CACNA2D4: variants seen among roughly 807,000 people sequenced by gnomAD.
The protein encoded by CACNA2D4 is calcium voltage-gated channel auxiliary subunit alpha2delta 4.
In CACNA2D4, 157 loss-of-function variants were observed where a neutral mutation model predicts 163.8. That is an observed-to-expected ratio of 0.96 (90% CI 0.84 to 1.09). The LOEUF is 1.09. Among genes scored for constraint, CACNA2D4 ranks in the 50% least tolerant of loss-of-function variants. CACNA2D4 has a pLI of 0.00. For synonymous variants in CACNA2D4, 598 were observed against 586.9 expected, an observed-to-expected ratio of 1.02 and a Z score of -0.27; for missense variants, 1,410 against 1,479.9, an observed-to-expected ratio of 0.95 and a Z score of 0.78.
rs555919149 is a variant in CACNA2D4 at position 1,823,023 on chromosome 12, C to A, written c.2552-11300G>T. On this transcript the variant is annotated intron_variant, in intron 26 of 37. Transcript: ENST00000382722. ...CTGGCCTTCTGCAGAGTGAAGGGGG[C>A]GGCAGAGTAGGCTGCAAATGCCCCC... Among the ~76,000 whole-genome samples the A allele has an allele frequency of 5.3e-5, 8 of 152,268 alleles. No homozygotes were observed. The East Asian group carries it at 1.4e-3, about 26-fold the overall frequency.
chr12:1,878,535 GC>G lies in CACNA2D4; in HGVS notation c.1645-147del. The G allele has an allele frequency of 7.0e-7, 1 of 1,435,008 alleles. No individual in the cohort carries two copies. The highest frequency in any genetic ancestry group is 1.2e-5 in the South Asian group (1 of 81,082). The allele number at this position is 1,435,008 out of a possible 1,614,324, so 88.9% of individuals were successfully genotyped here. On this transcript the variant is annotated intron_variant, in intron 15 of 37. Transcript: ENST00000382722. This position sits in a 1 kb window ranked among gnomAD's most constrained non-coding sequence, Gnocchi z 4.6. ...TCAATAGGAACGTAACTGAGCCAGTGCCATGCTTCCATCATTGATTGAGGAG... is the reference window on the plus strand; with the variant it reads ...TCAATAGGAACGTAACTGAGCCAGTGCATGCTTCCATCATTGATTGAGGAG...
At chr12:1,860,070 A>G in intron 19 of CACNA2D4, 75 bp downstream of exon 19, 1 of 1,247,984 alleles carries the variant, frequency 8.0e-7, no homozygotes, top group Admixed American at 1.8e-5. Context: ...TTACCACAAA[A>G]TTGCCAACTA....
intron 26 of CACNA2D4, among the ~76,000 whole-genome samples, chr12:1,823,044 C>T (rs181969618): frequency 7.6e-4 from 116 of 152,302 alleles, no homozygotes; most frequent in African/African-American, 2.7e-3. Flanking sequence ...GCTGCAAATG[C>T]CCCCTTTACC....
chr12:1,801,431 C>A, intron 30 of CACNA2D4, 143 bp downstream of exon 30: 1 of 732,460 alleles, frequency 1.4e-6, no homozygotes, highest in Non-Finnish European at 2.4e-6. Context: ...CGCCCTGGCT[C>A]CATAAAGGTT....
chr12:1,821,437 G>C (rs1322901278), intron 26 of CACNA2D4, among the ~76,000 whole-genome samples: 2 of 152,224 alleles, frequency 1.3e-5, no homozygotes, highest in Non-Finnish European at 1.5e-5. Flanking sequence ...AGCCTCCCTG[G>C]TGAGGGTGAG....
chr12:1,863,049 G>A (rs1415778457), intron 18 of CACNA2D4, among the ~76,000 whole-genome samples: 2 of 152,114 alleles, frequency 1.3e-5, no homozygotes, highest in Non-Finnish European at 2.9e-5. Context: ...TCTTGTAAAA[G>A]CTTTACAGTT....
chr12:1,879,226 C>T (rs144019842), intron 14 of CACNA2D4, among the ~76,000 whole-genome samples, 190 bp from the exon 15 acceptor site: 148 of 152,266 alleles, frequency 9.7e-4, no homozygotes, highest in African/African-American at 3.5e-3. Flanking sequence ...GGAGCAAAAC[C>T]AGCTGCTAGG....
At chr12:1,797,565 C>T (rs1213028167) in intron 34 of CACNA2D4, 30 bp from the exon 35 acceptor site, 2 of 1,513,764 alleles carry the variant, frequency 1.3e-6, no homozygotes, top group Admixed American at 2.0e-5. Context: ...ATCACGCCAC[C>T]GAAGGGGCCT....
At position 1,844,466 on chromosome 12, in the gene CACNA2D4, G is replaced by T. The variant is rs71454844; in HGVS notation, c.2406C>A (p.Tyr802Ter). 1,368 of 1,613,336 alleles carry T rather than the reference G, an allele frequency of 8.5e-4. No individual in the cohort carries two copies. Among genetic ancestry groups the T allele is most frequent in the Non-Finnish European group, 1.1e-3 (1,289 of 1,179,720 alleles). ...VFTLDRFPLW[Y>*]RQASEHPAGS... The stretch of plus-strand genomic sequence containing the variant: ...CAGCAGGATGCTCTGAGGCCTGGCG[G>T]TACCACAGCGGGAAGCGGTCCAGGG... The change falls in exon 25 of 38, where the codon TAC (tyrosine) becomes TAA (stop). Residue 802 changes from tyrosine to a stop codon, truncating the protein, a stop_gained. Coordinates refer to ENST00000382722, the MANE Select transcript of CACNA2D4 (RefSeq NM_172364.5). LOFTEE classifies it high-confidence loss of function. This position sits in a 1 kb window ranked among gnomAD's most constrained non-coding sequence, Gnocchi z 4.2.
rs1592734657 is a variant in CACNA2D4 at position 1,886,302 on chromosome 12, A to C, written c.914T>G (p.Leu305Arg). The C allele has an allele frequency of 3.7e-6, 6 of 1,613,680 alleles. No individual in the cohort carries two copies. The highest frequency in any genetic ancestry group is 4.2e-6 in the Non-Finnish European group (5 of 1,179,688). The part of the protein sequence containing the change: ...LVDVSGSMKG[L>R]RMTIAKHTIT... ...GGTGTGCTTGGCAATAGTCATCCTC[A>C]GCCCCTTCATACTGCCGCTCACGTC... Residue 305 changes from leucine (L) to arginine (R), a missense_variant, in exon 8 of 38, where the codon CTG (leucine) becomes CGG (arginine). Coordinates refer to ENST00000382722, the MANE Select transcript of CACNA2D4 (RefSeq NM_172364.5).
At chr12:1,915,288 A>G (rs1866942835) in intron 1 of CACNA2D4, 2 of 702,386 alleles carry the variant, frequency 2.8e-6, no homozygotes, top group South Asian at 3.0e-5. Context: ...TGTGTGCTGA[A>G]TGTCCTCGGC....
intron 18 of CACNA2D4, among the ~76,000 whole-genome samples, chr12:1,865,438 T>C (rs1860051): frequency 0.72 from 109,842 of 152,180 alleles, 40,134 homozygotes; most frequent in East Asian, 0.86. Context: ...TCTGTCTTCC[T>C]CCAAAGCACA....
intron 22 of CACNA2D4, among the ~76,000 whole-genome samples, chr12:1,854,409 G>C (rs114484398): frequency 6.6e-6 from 1 of 151,816 alleles, no homozygotes; most frequent in Admixed American, 6.6e-5. Flanking sequence ...TGAATTTTTT[G>C]TTGTTGTTGT....
chr12:1,879,077 C>T (rs1296313362), intron 14 of CACNA2D4, 41 bp from the exon 15 acceptor site: 3 of 1,557,746 alleles, frequency 1.9e-6, no homozygotes, highest in East Asian at 4.5e-5. Context: ...ACCCAGCTTC[C>T]CTGTGTACAA....
chr12:1,819,853 C>T (rs1373862287), intron 26 of CACNA2D4, among the ~76,000 whole-genome samples: 1 of 152,202 alleles, frequency 6.6e-6, no homozygotes, highest in Non-Finnish European at 1.5e-5. Context: ...GCAGGCTGCC[C>T]TGTGCCCAAA....
intron 26 of CACNA2D4, among the ~76,000 whole-genome samples, chr12:1,826,620 G>C (rs1055166166): frequency 2.0e-5 from 3 of 152,214 alleles, no homozygotes; most frequent in Non-Finnish European, 2.9e-5. Flanking sequence ...GGGGCCTTCG[G>C]CAGACTGGCA....
At position 1,903,423 on chromosome 12, in the gene CACNA2D4, T is replaced by C. The variant is rs151188225; in HGVS notation, c.781+4017A>G. On this transcript the variant is annotated intron_variant, in intron 6 of 37. Coordinates refer to ENST00000382722, the MANE Select transcript of CACNA2D4 (RefSeq NM_172364.5). ...CAAAAGAAACAATCAACAAAGTAAATAGACAATGCACAGAATGGGAGAAAA... is the reference window on the plus strand; with the variant it reads ...CAAAAGAAACAATCAACAAAGTAAACAGACAATGCACAGAATGGGAGAAAA... Among the ~76,000 whole-genome samples, 628 of 151,496 alleles carry C rather than the reference T, an allele frequency of 4.1e-3. 2 individuals carry two copies. Among genetic ancestry groups the C allele is most frequent in the Middle Eastern group, 0.017 (5 of 294 alleles).
chr12:1,884,693 A>T, intron 11 of CACNA2D4, 75 bp downstream of exon 11: 1 of 945,462 alleles, frequency 1.1e-6, no homozygotes. Flanking sequence ...CCATCCTTCT[A>T]GGGTCCCTGC....
chr12:1,877,709 A>G (rs1376591076), intron 16 of CACNA2D4, among the ~76,000 whole-genome samples: 1 of 152,172 alleles, frequency 6.6e-6, no homozygotes, highest in African/African-American at 2.4e-5. Flanking sequence ...CTAGGACTTT[A>G]GCTCCCGCCG....
Sources: gnomAD v4.1 joint callset for allele counts (sites outside exome capture counted in the v4.1 genomes callset) on GRCh38, gnomAD v4.1.1 for gene constraint, Gnocchi (gnomAD v3.1) non-coding constraint, MANE v1.5 for transcripts, NCBI Gene and HGNC (gene_info 2026-07-23, HGNC 2026-07-21) for gene names.